Variants in MTCL1 observed in about 807,000 individuals in gnomAD.
MTCL1 encodes microtubule cross-linking factor 1.
MTCL1 carries 79 observed loss-of-function variants against 141.4 expected under a neutral mutation model. That is an observed-to-expected ratio of 0.56 (90% confidence interval 0.47 to 0.67). The LOEUF (loss-of-function observed/expected upper bound fraction) is 0.67, where lower values mean the gene tolerates loss of function less well. Ranked by LOEUF, MTCL1 falls within the 30% of genes least tolerant of loss-of-function variation. The pLI is 0.00. For missense variants in MTCL1, 2,177 were observed against 2,113.9 expected, an observed-to-expected ratio of 1.03 and a Z score of -0.59; for synonymous variants, 914 against 875.8, an observed-to-expected ratio of 1.04 and a Z score of -0.77.
At chr18:8,818,421 T>C (rs2076732837) in intron 12 of MTCL1, among the ~76,000 whole-genome samples, 1 of 152,152 alleles carries the variant, frequency 6.6e-6, no homozygotes, top group Non-Finnish European at 1.5e-5. Context: ...TCAAATAAAG[T>C]GTAAGTTATG....
In MTCL1 at chr18:8,798,298, A is replaced by G. The variant is rs1282885744; in HGVS notation, c.2436+7A>G. 1.3e-6 allele frequency: 2 copies of G among 1,510,742 alleles called. No individual in the cohort carries two copies. Among genetic ancestry groups the G allele is most frequent in the Non-Finnish European group, 1.8e-6 (2 of 1,130,150 alleles). 93.6% of individuals were successfully genotyped at this position (1,510,742 alleles called of 1,614,324 possible). On this transcript the variant is annotated splice_region_variant and intron_variant, in intron 10 of 16. Transcript: ENST00000359865. The stretch of plus-strand genomic sequence containing the variant: ...GGGACAGCCCCACAAACAGGTGGGT[A>G]CCTCGACCCGAGCCTGTCGCCCTGC...
intron 4 of MTCL1, among the ~76,000 whole-genome samples, chr18:8,760,255 A>G (rs1271745749): frequency 6.6e-6 from 1 of 151,990 alleles, no homozygotes; most frequent in Admixed American, 6.5e-5. Flanking sequence ...GAGGAAGGAG[A>G]ACGGGTTCAA....
At chr18:8,784,998 C>T (rs2096546516) in intron 6 of MTCL1, among the ~76,000 whole-genome samples, 155 bp downstream of exon 5, 1 of 149,554 alleles carries the variant, frequency 6.7e-6, no homozygotes, top group Admixed American at 6.7e-5. Context: ...GATCCTCTCT[C>T]TTGGTTGGGC....
chr18:8,790,881 G>T lies in MTCL1; in HGVS notation c.1888-2117G>T, dbSNP rs142581018. On this transcript the variant is annotated intron_variant, in intron 7 of 16. Coordinates refer to ENST00000359865, the Ensembl canonical transcript of MTCL1. ...AATACAAAAATTAGCTGGGTGTCAT[G>T]GTGGGTACCTATAATCCCAGCTGCT... Among the ~76,000 whole-genome samples the T allele has an allele frequency of 2.8e-3, 424 of 152,298 alleles. 1 individual carries two copies. The highest frequency in any genetic ancestry group is 9.6e-3 in the African/African-American group (401 of 41,562).
intron 1 of MTCL1, chr18:8,717,472 G>A (rs1399906932): frequency 6.5e-6 from 1 of 152,692 alleles, no homozygotes; most frequent in Non-Finnish European, 1.5e-5. Flanking sequence ...CAGGGAGGGA[G>A]TGTGGCCAGG....
exon 15 of MTCL1, chr18:8,825,799 C>A: frequency 6.2e-7 from 1 of 1,614,208 alleles, no homozygotes; most frequent in Non-Finnish European, 8.5e-7. Context: ...TCCACCACCA[C>A]AAGGGAGAGC....
intron 4 of MTCL1, among the ~76,000 whole-genome samples, chr18:8,751,693 T>G (rs906244541): frequency 6.6e-6 from 1 of 152,106 alleles, no homozygotes; most frequent in African/African-American, 2.4e-5. Context: ...GAGGCAGATG[T>G]GGGGGGTACA....
chr18:8,718,840 C>A (rs2096148269), intron 3 of MTCL1, among the ~76,000 whole-genome samples, 192 bp downstream of exon 2: 1 of 152,016 alleles, frequency 6.6e-6, no homozygotes, highest in Non-Finnish European at 1.5e-5. Flanking sequence ...TTACATTTGT[C>A]ATAATATGAA....
intron 4 of MTCL1, among the ~76,000 whole-genome samples, chr18:8,734,748 G>A (rs558966091): frequency 3.3e-5 from 5 of 152,264 alleles, no homozygotes; most frequent in African/African-American, 1.2e-4. Context: ...GCCAGGCCCT[G>A]GCTGCACGGT....
chr18:8,736,465 C>G (rs1374616262), intron 4 of MTCL1, among the ~76,000 whole-genome samples: 1 of 152,114 alleles, frequency 6.6e-6, no homozygotes, highest in Non-Finnish European at 1.5e-5. Context: ...TCTTCTAACA[C>G]AAAGCCTGTT....
At chr18:8,774,311 T>G (rs544151904) in intron 4 of MTCL1, among the ~76,000 whole-genome samples, 2 of 151,998 alleles carry the variant, frequency 1.3e-5, no homozygotes, top group South Asian at 4.2e-4. Context: ...AATGACATCA[T>G]GCTTACAAAA....
chr18:8,829,062 C>T (rs567632401), intron 16 of MTCL1: 32 of 1,596,388 alleles, frequency 2.0e-5, no homozygotes, highest in Admixed American at 8.6e-5. Flanking sequence ...GAGTTCTGCC[C>T]GGTGGCGGTA....
At chr18:8,785,044 T>G (rs1452204535) in intron 6 of MTCL1, among the ~76,000 whole-genome samples, 3 of 151,512 alleles carry the variant, frequency 2.0e-5, no homozygotes, top group Non-Finnish European at 2.9e-5. Context: ...TTAAGTTCTC[T>G]TGTATTGCCT....
At chr18:8,729,549 T>C (rs1582407) in intron 4 of MTCL1, among the ~76,000 whole-genome samples, 64,958 of 151,164 alleles carry the variant, frequency 0.43, 15,539 homozygotes, top group African/African-American at 0.63. Flanking sequence ...ACTAGAGTTA[T>C]ACGCCACCGC....
chr18:8,784,467 A>G (rs2096543766), exon 6 of MTCL1: 2 of 1,551,262 alleles, frequency 1.3e-6, no homozygotes, highest in Non-Finnish European at 1.7e-6. Flanking sequence ...GAGGACTCTG[A>G]GTACCTAGTG....
At chr18:8,796,347 A>T in exon 9 of MTCL1, 4 of 1,614,218 alleles carry the variant, frequency 2.5e-6, no homozygotes, top group Non-Finnish European at 3.4e-6. Flanking sequence ...CTGATGCAGC[A>T]GGAGCTCCGG....
In MTCL1 at chr18:8,810,442, A is replaced by T. The variant is rs2076445369; in HGVS notation, c.2605-2537A>T. On this transcript the variant is annotated intron_variant, in intron 11 of 16. Coordinates refer to ENST00000359865, the Ensembl canonical transcript of MTCL1. The surrounding 1 kb of genome is among the most constrained non-coding windows in gnomAD (Gnocchi z 5.0). ...ACCATGAGAGACCTGAGAGGTGTGG[A>T]CACAGAGGAGCTTGTGGGCAGAAGG... 6.6e-6 allele frequency among the ~76,000 whole-genome samples: 1 copy of T among 152,170 alleles called. No individual in the cohort carries two copies. The highest frequency in any genetic ancestry group is 1.5e-5 in the Non-Finnish European group (1 of 68,038).
rs546181549 is a variant in MTCL1 at position 8,822,337 on chromosome 18, C to G, written c.3188+839C>G. 5.9e-5 allele frequency among the ~76,000 whole-genome samples: 9 copies of G among 152,306 alleles called. No homozygotes were observed. The highest frequency in any genetic ancestry group is 2.2e-4 in the African/African-American group (9 of 41,570). ...TGAAATGGAGTCTCGCTCTGTCTCCCAGGCTGGAGTACAGTGGCACAATCT... is the reference window on the plus strand; with the variant it reads ...TGAAATGGAGTCTCGCTCTGTCTCCGAGGCTGGAGTACAGTGGCACAATCT... On this transcript the variant is annotated intron_variant, in intron 14 of 16. Transcript: ENST00000359865. This position sits in a 1 kb window ranked among gnomAD's most constrained non-coding sequence, Gnocchi z 4.6.
intron 4 of MTCL1, among the ~76,000 whole-genome samples, chr18:8,743,907 C>T (rs1043912642): frequency 1.3e-5 from 2 of 152,210 alleles, no homozygotes; most frequent in Admixed American, 6.5e-5. Context: ...GAAAGCAAAA[C>T]TTCAGAGCTG....
Sources: allele counts gnomAD v4.1 joint callset (sites outside exome capture counted in the v4.1 genomes callset), GRCh38; gene constraint gnomAD v4.1.1; non-coding constraint Gnocchi (gnomAD v3.1); transcripts MANE v1.5; gene names NCBI Gene and HGNC (gene_info 2026-07-23, HGNC 2026-07-21).